Variants in SHC3 observed in about 807,000 individuals in gnomAD.
SHC3 encodes SHC-transforming protein 3.
SHC3 carries 15 observed loss-of-function variants against 60.4 expected under a neutral mutation model. That is an observed-to-expected ratio of 0.25 (90% CI 0.17 to 0.38). The LOEUF (loss-of-function observed/expected upper bound fraction) is 0.38, where lower values mean the gene tolerates loss of function less well. SHC3 is among the 10% of genes least tolerant of loss of function. The pLI, the probability that SHC3 is intolerant of heterozygous loss-of-function variation, is 1.00. For missense variants in SHC3, 677 were observed against 786.1 expected, an observed-to-expected ratio of 0.86 and a Z score of 1.66; for synonymous variants, 294 against 325.9, an observed-to-expected ratio of 0.90 and a Z score of 1.05.
intron 1 of SHC3, among the ~76,000 whole-genome samples, chr9:89,170,125 G>A (rs1295651073): frequency 6.6e-6 from 1 of 152,224 alleles, no homozygotes; most frequent in Non-Finnish European, 1.5e-5. Flanking sequence ...GACTCAAGAG[G>A]GAGAGGCAGC....
intron 6 of SHC3, among the ~76,000 whole-genome samples, chr9:89,064,441 G>C (rs1440684250): frequency 6.6e-6 from 1 of 152,158 alleles, no homozygotes; most frequent in East Asian, 1.9e-4. Context: ...CTGTATTGTG[G>C]GCAGAAAGTA....
intron 2 of SHC3, chr9:89,109,611 G>C: frequency 1.3e-5 from 13 of 985,484 alleles, no homozygotes; most frequent in Non-Finnish European, 1.6e-5. Flanking sequence ...GCGAAGCTGT[G>C]CTGAGATCTT....
chr9:89,060,085 G>T (rs1013500287), intron 6 of SHC3, among the ~76,000 whole-genome samples: 15 of 150,166 alleles, frequency 1.0e-4, no homozygotes, highest in African/African-American at 3.2e-4. Context: ...GAGGATGATG[G>T]TGTTAGGAGG....
chr9:89,054,082 C>G (rs1406131256), intron 6 of SHC3, among the ~76,000 whole-genome samples: 1 of 152,100 alleles, frequency 6.6e-6, no homozygotes, highest in South Asian at 2.1e-4. Context: ...AGATGAAGAA[C>G]GAAGAATACG....
At chr9:89,053,674 G>T (rs999928783) in intron 6 of SHC3, among the ~76,000 whole-genome samples, 1 of 152,208 alleles carries the variant, frequency 6.6e-6, no homozygotes, top group Non-Finnish European at 1.5e-5. Context: ...CAAGAGATGT[G>T]TCTACAAAGG....
At chr9:89,098,604 A>G (rs1434658609) in intron 2 of SHC3, among the ~76,000 whole-genome samples, 3 of 152,158 alleles carry the variant, frequency 2.0e-5, no homozygotes, top group African/African-American at 4.8e-5. Context: ...AGATCAGGAG[A>G]TCGAGACCAT....
At chr9:89,144,609 T>G (rs1826441455) in intron 1 of SHC3, among the ~76,000 whole-genome samples, 1 of 152,216 alleles carries the variant, frequency 6.6e-6, no homozygotes, top group Admixed American at 6.5e-5. Flanking sequence ...GCTACTTCTG[T>G]GTGATGGAAT....
At chr9:89,045,529 C>T (rs990214214) in intron 9 of SHC3, among the ~76,000 whole-genome samples, 1 of 152,164 alleles carries the variant, frequency 6.6e-6, no homozygotes, top group Non-Finnish European at 1.5e-5. Context: ...CCCGCCTCAG[C>T]TTCCCAAAGT....
intron 1 of SHC3, among the ~76,000 whole-genome samples, chr9:89,124,044 A>G (rs537327582): frequency 1.3e-5 from 2 of 152,298 alleles, no homozygotes; most frequent in Admixed American, 1.3e-4. Context: ...CTTCCTAATT[A>G]CATATAAAAA....
At chr9:89,021,370 C>G (rs1281768968) in intron 11 of SHC3, among the ~76,000 whole-genome samples, 1 of 151,616 alleles carries the variant, frequency 6.6e-6, no homozygotes, top group Admixed American at 6.6e-5. Flanking sequence ...CACTCAGCTG[C>G]CAGAGTAGGG....
chr9:89,048,930 A>G (rs771337491), intron 7 of SHC3, among the ~76,000 whole-genome samples: 1 of 152,182 alleles, frequency 6.6e-6, no homozygotes, highest in Non-Finnish European at 1.5e-5. Flanking sequence ...GACAGTATGA[A>G]GCTACAGGCA....
intron 6 of SHC3, among the ~76,000 whole-genome samples, chr9:89,059,754 TG>T (rs149294071): frequency 0.012 from 115 of 9,424 alleles, 6 homozygotes; most frequent in East Asian, 0.062. Flanking sequence ...TGGTGGAGGA[TG>T]GTGGTGGAGG....
chr9:89,089,238 T>G (rs962563820), intron 2 of SHC3, among the ~76,000 whole-genome samples: 1 of 152,160 alleles, frequency 6.6e-6, no homozygotes, highest in Non-Finnish European at 1.5e-5. Context: ...TCTATGTGCA[T>G]GTGAAAAGAA....
intron 6 of SHC3, among the ~76,000 whole-genome samples, chr9:89,059,077 G>A (rs1188143248): frequency 2.7e-5 from 4 of 147,266 alleles, no homozygotes; most frequent in Non-Finnish European, 6.0e-5. Flanking sequence ...ACGTGGTAAA[G>A]GACGTGATGG....
At chr9:89,097,715 T>C (rs1247134459) in intron 2 of SHC3, among the ~76,000 whole-genome samples, 1 of 152,230 alleles carries the variant, frequency 6.6e-6, no homozygotes, top group Non-Finnish European at 1.5e-5. Context: ...GAGGGCTGCC[T>C]GTCACCTCTG....
At position 89,038,276 on chromosome 9, in the gene SHC3, T is replaced by A. The variant is rs1342119345; in HGVS notation, c.1373A>T (p.Asp458Val). 6.2e-7 allele frequency: 1 copy of A among 1,610,622 alleles called. No homozygotes were observed. The highest frequency in any genetic ancestry group is 8.5e-7 in the Non-Finnish European group (1 of 1,178,770). The change falls in exon 11 of 12, where the codon GAT (aspartate) becomes GTT (valine). Residue 458 changes from aspartate (D) to valine (V), a missense_variant. Coordinates refer to ENST00000375835, the MANE Select transcript of SHC3 (RefSeq NM_016848.6). The part of the protein sequence containing the change: ...KDLFDMKPFE[D>V]ALKNQPLGPV... ...CCCCAAGGGCTGGTTCTTGAGAGCA[T>A]CTTCAAAAGGTTCTGTCATCAACAA...
chr9:89,145,468 G>A (rs2118201379), intron 1 of SHC3, among the ~76,000 whole-genome samples: 1 of 152,324 alleles, frequency 6.6e-6, no homozygotes, highest in Non-Finnish European at 1.5e-5. Flanking sequence ...ATGGGAAATG[G>A]ACCTTGAGGA....
intron 2 of SHC3, among the ~76,000 whole-genome samples, chr9:89,103,110 T>C (rs1046588413): frequency 6.6e-6 from 1 of 152,092 alleles, no homozygotes; most frequent in Non-Finnish European, 1.5e-5. Context: ...AACTTAACGA[T>C]GAATGCTAAG....
At chr9:89,031,362 T>C (rs1432466026) in intron 11 of SHC3, among the ~76,000 whole-genome samples, 1 of 152,160 alleles carries the variant, frequency 6.6e-6, no homozygotes, top group Non-Finnish European at 1.5e-5. Context: ...TAAAAAGAAA[T>C]GCCATACCTT....
Sources: gnomAD v4.1 joint callset for allele counts (sites outside exome capture counted in the v4.1 genomes callset) on GRCh38, gnomAD v4.1.1 for gene constraint, MANE v1.5 for transcripts, NCBI Gene and HGNC (gene_info 2026-07-23, HGNC 2026-07-21) for gene names.